The following XIRP2 variants were observed in gnomAD, a reference collection of about 807,000 sequenced individuals.
The protein encoded by XIRP2 is xin actin-binding repeat-containing protein 2.
A neutral mutation model predicts 277.0 loss-of-function variants in XIRP2; 236 were observed. The ratio of observed to expected loss-of-function variants is 0.85; its 90% CI spans 0.77 to 0.95. The LOEUF (loss-of-function observed/expected upper bound fraction) is 0.95. Ranked by LOEUF, XIRP2 falls within the 40% of genes least tolerant of loss-of-function variation. The pLI, the probability that XIRP2 is intolerant of heterozygous loss-of-function variation, is 0.00. For missense variants in XIRP2, 4,640 were observed against 4,157.5 expected, an observed-to-expected ratio of 1.12 and a Z score of -3.19; for synonymous variants, 1,490 against 1,416.5, an observed-to-expected ratio of 1.05 and a Z score of -1.17.
At chr2:166,896,161 G>A (rs530585873) in intron 1 of XIRP2, among the ~76,000 whole-genome samples, 15 of 152,152 alleles carry the variant, frequency 9.9e-5, no homozygotes, top group African/African-American at 3.6e-4. Flanking sequence ...AGAATATAAC[G>A]GAGGAAAAAC....
intron 2 of XIRP2, among the ~76,000 whole-genome samples, chr2:166,957,097 T>C (rs1480466692): frequency 2.0e-5 from 3 of 151,792 alleles, no homozygotes; most frequent in African/African-American, 7.2e-5. Context: ...TTGTTATTGA[T>C]AGAATTCATT....
At chr2:167,069,067 G>C (rs897554007) in intron 2 of XIRP2, among the ~76,000 whole-genome samples, 29 of 152,076 alleles carry the variant, frequency 1.9e-4, no homozygotes, top group African/African-American at 7.0e-4. Context: ...GGGTGCTCAA[G>C]TCCTTTATAT....
chr2:167,178,395 A>G (rs1175754954), intron 3 of XIRP2, among the ~76,000 whole-genome samples: 1 of 152,146 alleles, frequency 6.6e-6, no homozygotes, highest in Non-Finnish European at 1.5e-5. Context: ...ATATTTTGAA[A>G]TGAAGTATAA....
At chr2:167,051,348 T>A (rs1574206171) in intron 2 of XIRP2, among the ~76,000 whole-genome samples, 1 of 152,272 alleles carries the variant, frequency 6.6e-6, no homozygotes, top group East Asian at 1.9e-4. Context: ...ACACAGATTA[T>A]GCATTTTGCA....
At chr2:167,010,512 C>T (rs934529794) in intron 2 of XIRP2, among the ~76,000 whole-genome samples, 1 of 152,028 alleles carries the variant, frequency 6.6e-6, no homozygotes, top group Non-Finnish European at 1.5e-5. Context: ...GTGATGCCTC[C>T]AGCTTTGTTC....
intron 3 of XIRP2, among the ~76,000 whole-genome samples, chr2:167,179,324 T>TTTTTTTTTTTC (rs577792325): frequency 0.11 from 13,592 of 125,100 alleles, 715 homozygotes; most frequent in South Asian, 0.16. Flanking sequence ...TTTTTTCTTG[T>TTTTTTTTTTTC]TTTTTTTTTT....
intron 3 of XIRP2, among the ~76,000 whole-genome samples, chr2:167,201,449 C>T (rs990545482): frequency 4.6e-5 from 7 of 151,960 alleles, no homozygotes; most frequent in Non-Finnish European, 8.8e-5. Flanking sequence ...TGGATGAAAG[C>T]GCGACACCAC....
rs755170218 is a variant in XIRP2, at chr2:167,242,831, G to C, written c.1439G>C (p.Arg480Thr). 3 of 1,614,058 alleles carry C rather than the reference G, an allele frequency of 1.9e-6. No individual in the cohort carries two copies. In the South Asian group the frequency reaches 3.3e-5, roughly 18 times the overall value. ...SQSPELPSPP[R>T]RLPVPKDVYS... Reference sequence around the variant, plus strand: ...TCCCCTGAACTGCCCAGTCCTCCTAGAAGACTACCAGTCCCCAAAGATGTA... The same window carrying C: ...TCCCCTGAACTGCCCAGTCCTCCTACAAGACTACCAGTCCCCAAAGATGTA... The change falls in exon 9 of 11, where the codon AGA (arginine) becomes ACA (threonine). Residue 480 changes from arginine to threonine, a missense_variant. Arg to Thr is a moderately conservative substitution (Grantham distance 71, BLOSUM62 -1). Coordinates refer to ENST00000409195, the MANE Select transcript of XIRP2 (RefSeq NM_152381.6).
intron 2 of XIRP2, among the ~76,000 whole-genome samples, chr2:167,069,018 C>T (rs887454010): frequency 1.6e-4 from 24 of 152,050 alleles, no homozygotes; most frequent in African/African-American, 5.6e-4. Flanking sequence ...TTATAGTTGT[C>T]CCTCAATATC....
intron 2 of XIRP2, among the ~76,000 whole-genome samples, chr2:167,131,138 G>A (rs1691362250): frequency 6.6e-6 from 1 of 152,054 alleles, no homozygotes; most frequent in Admixed American, 6.6e-5. Context: ...TACCAAGCTT[G>A]CAAATCACTT....
At chr2:167,114,451 T>A (rs1394908817) in intron 2 of XIRP2, among the ~76,000 whole-genome samples, 1 of 151,944 alleles carries the variant, frequency 6.6e-6, no homozygotes, top group Non-Finnish European at 1.5e-5. Flanking sequence ...TTCTTTTTTT[T>A]ATTATTATTA....
rs528612882 is a variant in XIRP2 at position 167,226,783 on chromosome 2, T to A, written c.858+8483T>A. On this transcript the variant is annotated intron_variant, in intron 5 of 10. Coordinates refer to ENST00000409195, the MANE Select transcript of XIRP2 (RefSeq NM_152381.6). ...TTCTCTGTCTGTAGGTTCCCACATC[T>A]CTCTGGGCCTGAAACAGGGCATCTT... Among the ~76,000 whole-genome samples the A allele has an allele frequency of 2.0e-5, 3 of 152,160 alleles. No homozygotes were observed. The South Asian group carries it at 6.2e-4, about 32-fold the overall frequency.
chr2:166,890,569 A>G (rs1013665802), intron 1 of XIRP2, among the ~76,000 whole-genome samples: 1 of 152,182 alleles, frequency 6.6e-6, no homozygotes, highest in Non-Finnish European at 1.5e-5. Flanking sequence ...AGTAAACTCT[A>G]AAAGTTTGTT....
intron 5 of XIRP2, among the ~76,000 whole-genome samples, chr2:167,239,555 C>A (rs73029754): frequency 0.061 from 9,228 of 152,236 alleles, 320 homozygotes; most frequent in East Asian, 0.11. Flanking sequence ...CCTCTAGAAG[C>A]TGCAAAAGGC....
intron 2 of XIRP2, among the ~76,000 whole-genome samples, chr2:167,070,217 T>C (rs183844003): frequency 7.9e-5 from 12 of 152,180 alleles, no homozygotes; most frequent in African/African-American, 2.9e-4. Flanking sequence ...GTCTTCCTTG[T>C]ATTTGGATCC....
At chr2:166,976,259 C>T (rs932719883) in intron 2 of XIRP2, among the ~76,000 whole-genome samples, 2 of 152,142 alleles carry the variant, frequency 1.3e-5, no homozygotes, top group Non-Finnish European at 2.9e-5. Flanking sequence ...CTCTCTCCCC[C>T]TTATTGTTAT....
At chr2:167,056,643 G>A (rs1018187793) in intron 2 of XIRP2, among the ~76,000 whole-genome samples, 1 of 152,128 alleles carries the variant, frequency 6.6e-6, no homozygotes, top group African/African-American at 2.4e-5. Context: ...TAACATTGCT[G>A]AGTGTTAGTT....
At chr2:167,165,062 C>A (rs992669993) in intron 3 of XIRP2, among the ~76,000 whole-genome samples, 10 of 152,134 alleles carry the variant, frequency 6.6e-5, no homozygotes, top group Non-Finnish European at 1.2e-4. Flanking sequence ...CGTAGCTTTG[C>A]CTTTTCTAGA....
intron 5 of XIRP2, 29 bp from the exon 6 acceptor site, chr2:167,239,826 G>C (rs757848554): frequency 6.4e-7 from 1 of 1,557,872 alleles, no homozygotes; most frequent in East Asian, 2.3e-5. Flanking sequence ...TTTTCTTAAG[G>C]CATTGTCTGT....
Sources: gnomAD v4.1 joint callset for allele counts (sites outside exome capture counted in the v4.1 genomes callset) on GRCh38, gnomAD v4.1.1 for gene constraint, MANE v1.5 for transcripts, NCBI Gene and HGNC (gene_info 2026-07-23, HGNC 2026-07-21) for gene names.